KMT2B: variants seen among roughly 807,000 people sequenced by gnomAD.
The protein encoded by KMT2B is histone-lysine N-methyltransferase 2B.
In KMT2B, 22 loss-of-function variants were observed where a neutral mutation model predicts 255.3. That is an observed-to-expected ratio of 0.09 (90% CI 0.06 to 0.12). The LOEUF (loss-of-function observed/expected upper bound fraction) is 0.12, where lower values mean the gene tolerates loss of function less well. KMT2B is among the 10% of genes least tolerant of loss of function. The pLI, the probability that KMT2B is intolerant of heterozygous loss-of-function variation, is 1.00. For synonymous variants in KMT2B, 1,730 were observed against 1,498.1 expected (o/e 1.15, Z -3.57); for missense variants, 3,149 against 3,737.0 (o/e 0.84, Z 4.10).
intron 3 of KMT2B, 59 bp downstream of exon 3, chr19:35,721,863 A>G (rs1969227797): frequency 3.4e-6 from 5 of 1,469,940 alleles, no homozygotes; most frequent in Admixed American, 2.5e-5. Flanking sequence ...ATTCTTTGCA[A>G]CCCCCTAACC....
At chr19:35,721,967 G>C (rs1345301855) in intron 3 of KMT2B, among the ~76,000 whole-genome samples, 163 bp downstream of exon 3, 1 of 150,300 alleles carries the variant, frequency 6.7e-6, no homozygotes, top group Non-Finnish European at 1.5e-5. Flanking sequence ...CCCCAGACCT[G>C]GCCCTTCTCT....
intron 4 of KMT2B, 22 bp from the exon 5 acceptor site, chr19:35,722,546 C>G: frequency 6.3e-7 from 1 of 1,596,490 alleles, no homozygotes; most frequent in East Asian, 2.3e-5. Context: ...GCTGCCCACA[C>G]ACACTCCGAT....
At position 35,733,260 on chromosome 19, in the gene KMT2B, C is replaced by T. The variant is rs112013670; in HGVS notation, c.6711C>T (p.Gly2237=). The change falls in exon 28 of 37, where the codon GGC becomes GGT. Residue 2237 remains glycine, a synonymous_variant. Coordinates refer to ENST00000420124, the MANE Select transcript of KMT2B (RefSeq NM_014727.3). This position sits in a 1 kb window ranked among gnomAD's most constrained non-coding sequence, Gnocchi z 4.3. ...TAPTSWTLPP[G]PLLGVLPVVG... ...CCACCTCCTGGACTCTGCCCCCAGG[C>T]CCCCTCCTCGGCGTGCTGCCCGTGG... is the stretch of plus-strand genomic sequence containing the variant. The T allele has an allele frequency of 6.8e-7, 1 of 1,471,056 alleles. No homozygotes were observed. Among genetic ancestry groups the T allele is most frequent in the Non-Finnish European group, 9.3e-7 (1 of 1,078,530 alleles). The allele number at this position is 1,471,056 out of a possible 1,614,324, so 91.1% of individuals were successfully genotyped here.
intron 30 of KMT2B, among the ~76,000 whole-genome samples, chr19:35,734,600 C>T (rs542538061): frequency 1.3e-5 from 2 of 152,220 alleles, no homozygotes; most frequent in East Asian, 1.9e-4. Context: ...GAACTGGTGA[C>T]CTCTGAGGTA....
chr19:35,723,672 C>T lies in KMT2B; in HGVS notation c.3059-60C>T. On this transcript the variant is annotated intron_variant, in intron 7 of 36. Coordinates refer to ENST00000420124, the MANE Select transcript of KMT2B (RefSeq NM_014727.3). The surrounding 1 kb of genome is among the most constrained non-coding windows in gnomAD (Gnocchi z 7.5). ...CCTGCCCCGCTTCTTTCTGGCTTCT[C>T]TCCCAGTGTCCCATGTCCCTGGCTG... 6.9e-7 allele frequency: 1 copy of T among 1,440,452 alleles called. No homozygotes were observed. Among genetic ancestry groups the T allele is most frequent in the East Asian group, 2.3e-5 (1 of 43,060 alleles). The allele number at this position is 1,440,452 out of a possible 1,614,324, so 89.2% of individuals were successfully genotyped here. A position where few individuals can be genotyped will look rare whatever the true frequency, so the allele number is the denominator to read the frequency against.
rs557225127 is a variant in KMT2B at position 35,723,837 on chromosome 19, G to C, written c.3164G>C (p.Arg1055Pro). ...CGGGGGGCGGGAGCTGGGGGGCCCC[G>C]GGAGGAGGTGGTGGCCCACCCAGGG... ...PRRGAGAGGP[R>P]EEVVAHPGPE... is the part of the protein sequence containing the mutation. The change falls in exon 8 of 37, where the codon CGG becomes CCG. Residue 1055 changes from arginine (R) to proline (P), a missense_variant. Physicochemically the swap from Arg to Pro is moderately radical, Grantham distance 103. Around this residue, in one of 18 missense-constraint regions of KMT2B, gnomAD observed 50 missense variants for 71.9 expected, o/e 0.70. Transcript: ENST00000420124. This position sits in a 1 kb window ranked among gnomAD's most constrained non-coding sequence, Gnocchi z 7.5. 5.0e-6 allele frequency: 8 copies of C among 1,599,706 alleles called. No individual in the cohort carries two copies. The Admixed American group carries it at 8.6e-5, about 17-fold the overall frequency.
Position 35,738,122 on chromosome 19 carries a change from C to G in KMT2B, c.7803C>G (p.Val2601=), listed in dbSNP as rs779413671. 3.7e-6 allele frequency: 6 copies of G among 1,613,710 alleles called. No individual in the cohort carries two copies. The South Asian group carries it at 6.6e-5, about 18-fold the overall frequency. The change falls in exon 36 of 37, where the codon GTC becomes GTG. Residue 2601 remains valine, a synonymous_variant. Transcript: ENST00000420124. This position sits in a 1 kb window ranked among gnomAD's most constrained non-coding sequence, Gnocchi z 8.7. ...CKRNIDAGEM[V]IEYSGIVIRS... is the part of the protein sequence containing the mutation. ...GCAACATCGACGCGGGGGAGATGGT[C>G]ATCGAGTACTCTGGCATTGTCATCC...
chr19:35,718,438 G>A lies in KMT2B; in HGVS notation c.363+57G>A, dbSNP rs1396498135. 4.1e-6 allele frequency: 5 copies of A among 1,221,198 alleles called. No homozygotes were observed. The highest frequency in any genetic ancestry group is 1.6e-5 in the African/African-American group (1 of 63,536). The allele number at this position is 1,221,198 out of a possible 1,614,324, so 75.6% of individuals were successfully genotyped here. On this transcript the variant is annotated intron_variant, in intron 1 of 36. Coordinates refer to ENST00000420124, the MANE Select transcript of KMT2B (RefSeq NM_014727.3). The surrounding 1 kb of genome is among the most constrained non-coding windows in gnomAD (Gnocchi z 5.0). ...GTGGGGCGGAGGCCGGGGCTTCCAG[G>A]GGTCTGGGTTGTCCCGGGGGCGGCG...
In KMT2B at chr19:35,721,436, G is replaced by T; in HGVS notation, c.2089G>T (p.Gly697Cys). 6.2e-7 allele frequency: 1 copy of T among 1,612,326 alleles called. No homozygotes were observed. Among genetic ancestry groups the T allele is most frequent in the South Asian group, 1.1e-5 (1 of 91,030 alleles). Residue 697 changes from glycine (G) to cysteine (C), a missense_variant, in exon 3 of 37, where the codon GGC (glycine) becomes TGC (cysteine). Gly to Cys is a radical substitution (Grantham distance 159). Transcript: ENST00000420124. ...SPAEPEPRAVGRTNHLSLPRF... is the reference protein window; with the variant it reads ...SPAEPEPRAVCRTNHLSLPRF... ...AGCTGAGCCTGAGCCTCGGGCAGTG[G>T]GCCGCACCAACCACCTCAGCCTGCC...
rs1398831627 is a variant in KMT2B, at chr19:35,738,739, G to A, written c.*182G>A. On this transcript the variant is annotated 3_prime_UTR_variant, in exon 37 of 37. Coordinates refer to ENST00000420124, the MANE Select transcript of KMT2B (RefSeq NM_014727.3). The surrounding 1 kb of genome is among the most constrained non-coding windows in gnomAD (Gnocchi z 8.7). Reference sequence around the variant, plus strand: ...CACCCCTCCAGCCCATCCAGCAATCGCCCCCTTTCTGCCCTGGGGGCCCAG... The same window carrying A: ...CACCCCTCCAGCCCATCCAGCAATCACCCCCTTTCTGCCCTGGGGGCCCAG... 7.7e-6 allele frequency: 5 copies of A among 650,238 alleles called. No homozygotes were observed. The highest frequency in any genetic ancestry group is 2.8e-5 in the East Asian group (1 of 36,344). 40.3% of individuals were successfully genotyped at this position (650,238 alleles called of 1,614,324 possible). A position where few individuals can be genotyped will look rare whatever the true frequency, so the allele number is the denominator to read the frequency against.
At position 35,722,446 on chromosome 19, in the gene KMT2B, G is replaced by C; in HGVS notation, c.2545G>C (p.Val849Leu). The change falls in exon 4 of 37, where the codon GTG becomes CTG. Residue 849 changes from valine (V) to leucine (L), a missense_variant. Physicochemically the swap from Val to Leu is conservative, Grantham distance 32. Coordinates refer to ENST00000420124, the MANE Select transcript of KMT2B (RefSeq NM_014727.3). ...RGPVRSEDES[V>L]EAKRERPSGP... ...CCCTGTCCGGTCTGAAGATGAGTCG[G>C]TGGAAGCTAAGAGAGAGCGGCCCTC... 6.2e-7 allele frequency: 1 copy of C among 1,609,524 alleles called. No homozygotes were observed. The highest frequency in any genetic ancestry group is 8.5e-7 in the Non-Finnish European group (1 of 1,179,794).
chr19:35,721,038 G>C lies in KMT2B; in HGVS notation c.1691G>C (p.Arg564Pro). ...AAGGTGGAGGTCTCACCTGTCCTGCGACCTCCCATTACCACCTCCCCACCT... is the reference window on the plus strand; with the variant it reads ...AAGGTGGAGGTCTCACCTGTCCTGCCACCTCCCATTACCACCTCCCCACCT... ...PPKVEVSPVL[R>P]PPITTSPPVP... Residue 564 changes from arginine to proline, a missense_variant, in exon 3 of 37, where the codon CGA becomes CCA. Around this residue, in one of 18 missense-constraint regions of KMT2B, gnomAD observed 1,188 missense variants for 1,106.4 expected, o/e 1.07. Transcript: ENST00000420124. 1 of 1,604,658 alleles carries C rather than the reference G, an allele frequency of 6.2e-7. No homozygotes were observed. Among genetic ancestry groups the C allele is most frequent in the Non-Finnish European group, 8.5e-7 (1 of 1,177,372 alleles).
intron 26 of KMT2B, 134 bp from the exon 27 acceptor site, chr19:35,731,773 TC>T: frequency 1.4e-6 from 1 of 706,242 alleles, no homozygotes; most frequent in South Asian, 1.8e-5. Context: ...GCCTGGGTGG[TC>T]ACTGGAAACT....
In KMT2B at chr19:35,722,272, G is replaced by C; in HGVS notation, c.2458-87G>C. The C allele has an allele frequency of 2.9e-6, 4 of 1,365,672 alleles. No individual in the cohort carries two copies. The South Asian group carries it at 5.6e-5, about 19-fold the overall frequency. 84.6% of individuals were successfully genotyped at this position (1,365,672 alleles called of 1,614,324 possible). ...CCCGTCTCGGCCTCCCAAAGTGCTG[G>C]GATTACAGGCATCAGCCACCACACC... On this transcript the variant is annotated intron_variant, in intron 3 of 36. Transcript: ENST00000420124.
Position 35,723,881 on chromosome 19 carries a change from C to A in KMT2B, c.3208C>A (p.Leu1070Ile). Reference protein sequence around the residue: ...AHPGPEEQDSLLQRKSARRCV... With the variant: ...AHPGPEEQDSILQRKSARRCV... ...CCCAGGGCCCGAGGAGCAGGACTCCCTCCTGCAGCGCAAGTCAGCTCGGCG... is the reference window on the plus strand; with the variant it reads ...CCCAGGGCCCGAGGAGCAGGACTCCATCCTGCAGCGCAAGTCAGCTCGGCG... Residue 1070 changes from leucine to isoleucine, a missense_variant, in exon 8 of 37, where the codon CTC (leucine) becomes ATC (isoleucine). Leu to Ile is a conservative substitution (Grantham distance 5). Coordinates refer to ENST00000420124, the MANE Select transcript of KMT2B (RefSeq NM_014727.3). This position sits in a 1 kb window ranked among gnomAD's most constrained non-coding sequence, Gnocchi z 7.5. 1 of 1,610,554 alleles carries A rather than the reference C, an allele frequency of 6.2e-7. No individual in the cohort carries two copies. Among genetic ancestry groups the A allele is most frequent in the African/African-American group, 1.3e-5 (1 of 75,006 alleles).
rs771708308 is a variant in KMT2B at position 35,727,422 on chromosome 19, C to T, written c.4118-16C>T. On this transcript the variant is annotated splice_polypyrimidine_tract_variant and intron_variant, in intron 15 of 36. Transcript: ENST00000420124. The surrounding 1 kb of genome is among the most constrained non-coding windows in gnomAD (Gnocchi z 4.2). ...CCTCTGAAACCACTTTTCCCTTTCC[C>T]ACTTGGCTATCCTAGATGAAGACTA... 76 of 1,613,060 alleles carry T rather than the reference C, an allele frequency of 4.7e-5. No individual in the cohort carries two copies. The highest frequency in any genetic ancestry group is 6.4e-5 in the Non-Finnish European group (75 of 1,179,740).
Position 35,733,310 on chromosome 19 carries a change from CCCCGCCA to C in KMT2B, c.6765_6771del (p.Pro2256LeufsTer3). ...GTCGGAGTGGTCCGCCCTGCCCCGC[CCCCGCCA>C]CCCCCTCCCCTGACGCTGGTGCTGA... On this transcript the variant is annotated frameshift_variant, in exon 28 of 37. Coordinates refer to ENST00000420124, the MANE Select transcript of KMT2B (RefSeq NM_014727.3). LOFTEE classifies it high-confidence loss of function. The surrounding 1 kb of genome is among the most constrained non-coding windows in gnomAD (Gnocchi z 4.3). 7.0e-7 allele frequency: 1 copy of C among 1,426,640 alleles called. No individual in the cohort carries two copies. The highest frequency in any genetic ancestry group is 1.2e-5 in the South Asian group (1 of 81,426). 88.4% of individuals were successfully genotyped at this position (1,426,640 alleles called of 1,614,324 possible). A position where few individuals can be genotyped will look rare whatever the true frequency, so the allele number is the denominator to read the frequency against.
At chr19:35,736,863 G>A (rs1293167578) in intron 31 of KMT2B, 36 bp downstream of exon 31, 2 of 1,613,798 alleles carry the variant, frequency 1.2e-6, no homozygotes, top group South Asian at 1.1e-5. Context: ...GAGGGAGAGT[G>A]TCCATAAAAC....
Position 35,722,389 on chromosome 19 carries a change from G to A in KMT2B, c.2488G>A (p.Ala830Thr), listed in dbSNP as rs1313435189. ...CCCTGGAGGGCAGATGGAGGAGGTGGCCGGGGCTGTCAAGCAGATCTCCGA... is the reference window on the plus strand; with the variant it reads ...CCCTGGAGGGCAGATGGAGGAGGTGACCGGGGCTGTCAAGCAGATCTCCGA... ...LSPGGQMEEV[A>T]GAVKQISDRG... Residue 830 changes from alanine to threonine, a missense_variant, in exon 4 of 37, where the codon GCC becomes ACC. Around this residue, in one of 18 missense-constraint regions of KMT2B, gnomAD observed 1,188 missense variants for 1,106.4 expected, o/e 1.07. Coordinates refer to ENST00000420124, the MANE Select transcript of KMT2B (RefSeq NM_014727.3). 1 of 1,610,786 alleles carries A rather than the reference G, an allele frequency of 6.2e-7. No individual in the cohort carries two copies. Among genetic ancestry groups the A allele is most frequent in the Non-Finnish European group, 8.5e-7 (1 of 1,179,764 alleles).
Sources: gnomAD v4.1 joint callset for allele counts (sites outside exome capture counted in the v4.1 genomes callset) on GRCh38, gnomAD v4.1.1 for gene constraint, gnomAD v4.1.1 regional missense constraint, Gnocchi (gnomAD v3.1) non-coding constraint, MANE v1.5 for transcripts, NCBI Gene and HGNC (gene_info 2026-07-23, HGNC 2026-07-21) for gene names.